SNX12: variants seen among roughly 807,000 people sequenced by gnomAD.
SNX12 encodes sorting nexin-12.
For missense variants in SNX12, 62 were observed against 141.3 expected (o/e 0.44, Z 2.84); for synonymous variants, 47 against 56.0 (o/e 0.84, Z 0.71).
At chrX:71,066,844 G>A (rs2092155714) in intron 1 of SNX12, among the ~76,000 whole-genome samples, 1 of 111,153 alleles carries the variant, frequency 9.0e-6, no homozygotes, top group Non-Finnish European at 1.9e-5. Flanking sequence ...TTCTTATATA[G>A]ACAAGTGTTT....
In SNX12 at chrX:71,060,920, G is replaced by T; in HGVS notation, c.*96C>A. 1.5e-6 allele frequency: 1 copy of T among 649,353 alleles called. No homozygotes were observed. Among genetic ancestry groups the T allele is most frequent in the Non-Finnish European group, 2.5e-6 (1 of 406,487 alleles). The allele number at this position is 649,353 out of a possible 1,213,427, so 53.5% of individuals were successfully genotyped here. ...CAGACAGTCTATCAGGCCAGGAGAT[G>T]GGCAGCCAACTTCAGATCAAAGACA... On this transcript the variant is annotated 3_prime_UTR_variant, in exon 4 of 4. Coordinates refer to ENST00000374274, the MANE Select transcript of SNX12 (RefSeq NM_013346.4).
chrX:71,071,710 A>ATATATAAATATATATATAAATATATATT (rs2092174563), upstream of SNX12, among the ~76,000 whole-genome samples: 2 of 73,536 alleles, frequency 2.7e-5, no homozygotes, highest in Non-Finnish European at 4.7e-5. Context: ...TAATATATAG[A>ATATATAAATATATATATAAATATATATT]TATATAAATA....
rs2092123307 is a variant in SNX12, at chrX:71,059,405, G to A, written c.*1611C>T. ...CTTGTGCACAATGAAAGAGGAAATC[G>A]TTTTTAAAAAATGTCTATAACAGAG... is the stretch of plus-strand genomic sequence containing the variant. On this transcript the variant is annotated 3_prime_UTR_variant, in exon 4 of 4. Transcript: ENST00000374274. 1 of 111,429 alleles carries A rather than the reference G, an allele frequency of 9.0e-6. No individual in the cohort carries two copies. Among genetic ancestry groups the A allele is most frequent in the African/African-American group, 3.3e-5 (1 of 30,607 alleles). 9.2% of individuals were successfully genotyped at this position (111,429 alleles called of 1,213,427 possible).
upstream of SNX12, among the ~76,000 whole-genome samples, chrX:71,070,000 G>A (rs1185506717): frequency 9.0e-6 from 1 of 111,501 alleles, no homozygotes; most frequent in African/African-American, 3.3e-5. Context: ...AAGAAAGAAA[G>A]AATACACAAA....
At chrX:71,065,398 G>A (rs1315542468) in intron 1 of SNX12, among the ~76,000 whole-genome samples, 1 of 107,927 alleles carries the variant, frequency 9.3e-6, no homozygotes, top group African/African-American at 3.4e-5. Flanking sequence ...GCCAGGCGTG[G>A]TGGCTCACAC....
chrX:71,063,395 G>A (rs1328739610), intron 1 of SNX12, among the ~76,000 whole-genome samples: 1 of 108,699 alleles, frequency 9.2e-6, no homozygotes, highest in Non-Finnish European at 1.9e-5. Context: ...AACTTGTGAG[G>A]CTGAGGCAAA....
At chrX:71,071,620 A>AATATTTATATATATTATATATAAATAT (rs2092173565), upstream of SNX12, among the ~76,000 whole-genome samples, 2 of 63,100 alleles carry the variant, frequency 3.2e-5, no homozygotes, top group African/African-American at 1.3e-4. Flanking sequence ...ATAAATATAT[A>AATATTTATATATATTATATATAAATAT]ATATTTATAT....
chrX:71,070,417 G>A (rs1227695155), upstream of SNX12, among the ~76,000 whole-genome samples: 2 of 111,890 alleles, frequency 1.8e-5, no homozygotes, highest in East Asian at 5.5e-4. Context: ...AGATATGGTG[G>A]TAGTATAGTG....
At chrX:71,070,577 C>T (rs1208377906), upstream of SNX12, among the ~76,000 whole-genome samples, 1 of 111,572 alleles carries the variant, frequency 9.0e-6, no homozygotes, top group Non-Finnish European at 1.9e-5. Context: ...GTCTGTAGAA[C>T]ATCCAGGTGG....
At chrX:71,071,717 AATATATAT>A (rs201862770), upstream of SNX12, among the ~76,000 whole-genome samples, 7 of 75,911 alleles carry the variant, frequency 9.2e-5, no homozygotes, top group Non-Finnish European at 1.6e-4. Context: ...TAGATATATA[AATATATAT>A]ATAAATATAT....
intron 1 of SNX12, 125 bp from the exon 2 acceptor site, chrX:71,063,074 C>T (rs2092138535): frequency 4.3e-6 from 2 of 466,267 alleles, no homozygotes; most frequent in Non-Finnish European, 7.5e-6. Flanking sequence ...CCTATAACCC[C>T]TTCAAATCAC....
Position 71,068,192 on chromosome X carries a change from T to C in SNX12, c.115A>G (p.Thr39Ala), listed in dbSNP as rs1316036808. 2 of 1,208,816 alleles carry C rather than the reference T, an allele frequency of 1.7e-6. No individual in the cohort carries two copies. Among genetic ancestry groups the C allele is most frequent in the Non-Finnish European group, 2.2e-6 (2 of 894,543 alleles). ...FLEIDIFNPQ[T>A]VGVGRARFTT... ...AAGCGCGCGCGTCCCACGCCCACCG[T>C]CTGAGGATTAAAGATGTCGATCTCC... is the stretch of plus-strand genomic sequence containing the variant. Residue 39 changes from threonine (T) to alanine (A), a missense_variant, in exon 1 of 4, where the codon ACG becomes GCG. By Grantham distance (58) the Thr-to-Ala change is moderately conservative (BLOSUM62 0). Transcript: ENST00000374274.
At chrX:71,073,035 TACACACACACACACACACACAC>T (rs56242437), upstream of SNX12, among the ~76,000 whole-genome samples, 1 of 90,032 alleles carries the variant, frequency 1.1e-5, no homozygotes, top group Admixed American at 1.3e-4. Context: ...TTATCACACA[TACACACACACACACACACACAC>T]ACACACACAC....
chrX:71,068,135 G>A lies in SNX12; in HGVS notation c.165+7C>T. ...CCCTCAGCTGTCTCCCTCACCCCGT[G>A]ACTCACCCGCATGCGAACCTCATAG... On this transcript the variant is annotated splice_region_variant and intron_variant, in intron 1 of 3. Coordinates refer to ENST00000374274, the MANE Select transcript of SNX12 (RefSeq NM_013346.4). The A allele has an allele frequency of 8.4e-7, 1 of 1,189,626 alleles. No homozygotes were observed. The highest frequency in any genetic ancestry group is 1.8e-5 in the South Asian group (1 of 54,143).
chrX:71,067,471 A>C (rs993554404), intron 1 of SNX12, among the ~76,000 whole-genome samples: 1 of 112,360 alleles, frequency 8.9e-6, no homozygotes, highest in African/African-American at 3.2e-5. Context: ...GGGCCAGGCC[A>C]GGTTTCAAGG....
At chrX:71,070,974 A>G (rs768781050), upstream of SNX12, among the ~76,000 whole-genome samples, 14 of 111,310 alleles carry the variant, frequency 1.3e-4, no homozygotes, top group East Asian at 3.9e-3. Flanking sequence ...CTTTAACTCA[A>G]AAGTTTTACT....
chrX:71,063,429 G>A (rs954115278), intron 1 of SNX12, among the ~76,000 whole-genome samples: 2 of 107,808 alleles, frequency 1.9e-5, no homozygotes, highest in East Asian at 2.9e-4. Context: ...TCCAGGAGGC[G>A]GAGGTTGCAG....
rs748874780 is a variant in SNX12, at chrX:71,068,247, G to A, written c.60C>T (p.Thr20=). ...RRLNSKPQDL[T]DAYGPPSNFL... ...AGTTACTTGGCGGCCCGTAAGCGTC[G>A]GTCAGGTCCTGCGGCTTCGAGTTAA... Residue 20 remains threonine, a synonymous_variant, in exon 1 of 4, where the codon ACC becomes ACT. Transcript: ENST00000374274. The A allele has an allele frequency of 1.7e-6, 2 of 1,209,708 alleles. No homozygotes were observed. The highest frequency in any genetic ancestry group is 3.5e-5 in the South Asian group (2 of 56,622).
chrX:71,068,008 AT>A, intron 1 of SNX12, 133 bp downstream of exon 1: 1 of 536,727 alleles, frequency 1.9e-6, no homozygotes, highest in Non-Finnish European at 2.9e-6. Context: ...TTCCAAGCCT[AT>A]TATACCCCTA....
Sources: allele counts gnomAD v4.1 joint callset (sites outside exome capture counted in the v4.1 genomes callset), GRCh38; gene constraint gnomAD v4.1.1; transcripts MANE v1.5; gene names NCBI Gene and HGNC (gene_info 2026-07-23, HGNC 2026-07-21).